GLT6D1: variants seen among roughly 807,000 people sequenced by gnomAD.
GLT6D1 encodes glycosyltransferase 6 domain containing 1.
A neutral mutation model predicts 12.3 loss-of-function variants in GLT6D1; 9 were observed. The observed-to-expected ratio is 0.73, with a 90% CI of 0.44 to 1.27. The LOEUF is 1.27. GLT6D1 is among the 50% of genes most tolerant of loss of function. The probability of loss-of-function intolerance (pLI) is 0.00; values close to 1 mark genes in which losing one functional copy is unlikely to be tolerated. For synonymous variants in GLT6D1, 128 were observed against 132.3 expected, an observed-to-expected ratio of 0.97 and a Z score of 0.23; for missense variants, 335 against 346.2, an observed-to-expected ratio of 0.97 and a Z score of 0.26.
intron 2 of GLT6D1, among the ~76,000 whole-genome samples, chr9:135,633,915 C>A (rs1225199075): frequency 1.3e-5 from 2 of 152,178 alleles, no homozygotes; most frequent in Non-Finnish European, 2.9e-5. Flanking sequence ...ACATGCCAGG[C>A]CCCTGGCTGT....
Position 135,639,499 on chromosome 9 carries a change from G to A in GLT6D1, c.-213C>T, listed in dbSNP as rs776428649. 3 of 196,522 alleles carry A rather than the reference G, an allele frequency of 1.5e-5. No homozygotes were observed. The highest frequency in any genetic ancestry group is 2.3e-5 in the African/African-American group (1 of 43,188). 12.2% of individuals were successfully genotyped at this position (196,522 alleles called of 1,614,324 possible). A position where few individuals can be genotyped will look rare whatever the true frequency, so the allele number is the denominator to read the frequency against. On this transcript the variant is annotated 5_prime_UTR_variant, in exon 1 of 5. Transcript: ENST00000371763. ...TCTCCACTGCAGGGCTGTGCAAATAGAATGAGGTCTTGATGAGGAAGTCTT... is the reference window on the plus strand; with the variant it reads ...TCTCCACTGCAGGGCTGTGCAAATAAAATGAGGTCTTGATGAGGAAGTCTT...
chr9:135,635,924 T>C (rs185729443), intron 2 of GLT6D1, among the ~76,000 whole-genome samples: 36 of 152,322 alleles, frequency 2.4e-4, no homozygotes, highest in African/African-American at 7.9e-4. Context: ...GCCTCATCCA[T>C]TTATTTAATT....
Position 135,623,990 on chromosome 9 carries a change from C to G in GLT6D1, c.*107G>C. On this transcript the variant is annotated 3_prime_UTR_variant, in exon 5 of 5. Transcript: ENST00000371763. ...TGATTCATTTATTCGTCATAAACCT[C>G]ATGGCGTAATTCATAATTTCCTCTG... 1.4e-6 allele frequency: 1 copy of G among 730,628 alleles called. No homozygotes were observed. Among genetic ancestry groups the G allele is most frequent in the Non-Finnish European group, 2.3e-6 (1 of 430,046 alleles). 45.3% of individuals were successfully genotyped at this position (730,628 alleles called of 1,614,324 possible).
At chr9:135,632,688 G>GAC (rs1833677313) in intron 2 of GLT6D1, among the ~76,000 whole-genome samples, 1 of 140,638 alleles carries the variant, frequency 7.1e-6, no homozygotes, top group East Asian at 2.1e-4. Context: ...TTTTTTTCGA[G>GAC]ACAGAGTCTT....
At position 135,626,202 on chromosome 9, in the gene GLT6D1, G is replaced by A. The variant is rs200054032; in HGVS notation, c.124C>T (p.Arg42Cys). 4.5e-5 allele frequency: 72 copies of A among 1,613,262 alleles called. No individual in the cohort carries two copies. The highest frequency in any genetic ancestry group is 5.3e-5 in the African/African-American group (4 of 74,882). The change falls in exon 4 of 5, where the codon CGC becomes TGC. Residue 42 changes from arginine to cysteine, a missense_variant. By Grantham distance (180) the Arg-to-Cys change is radical (BLOSUM62 -3). Coordinates refer to ENST00000371763, the MANE Select transcript of GLT6D1 (RefSeq NM_182974.3). Reference protein sequence around the residue: ...RLSDWFHPRKRPDVITKTDWL... With the variant: ...RLSDWFHPRKCPDVITKTDWL... ...TCTGTTTTCGTTATAACATCAGGGC[G>A]TTTTCTGTGGAACAAGAACCAAGTT...
chr9:135,631,301 C>T (rs548706246), intron 3 of GLT6D1, 130 bp downstream of exon 3: 478 of 755,144 alleles, frequency 6.3e-4, no homozygotes, highest in Middle Eastern at 5.3e-4. Context: ...ATAAGAGCCT[C>T]GAAAATAAAA....
At chr9:135,639,796 G>A (rs1452681023), upstream of GLT6D1, among the ~76,000 whole-genome samples, 5 of 151,648 alleles carry the variant, frequency 3.3e-5, no homozygotes, top group Non-Finnish European at 5.9e-5. Flanking sequence ...ACGCCACTGC[G>A]CTGTGTGTCC....
chr9:135,640,543 A>AC (rs571312616), upstream of GLT6D1, among the ~76,000 whole-genome samples: 128 of 151,722 alleles, frequency 8.4e-4, no homozygotes, highest in African/African-American at 2.9e-3. Flanking sequence ...ACATGGTGAG[A>AC]CCCCCGTCTC....
At chr9:135,628,361 C>A (rs1833564497) in intron 3 of GLT6D1, among the ~76,000 whole-genome samples, 1 of 151,966 alleles carries the variant, frequency 6.6e-6, no homozygotes, top group South Asian at 2.1e-4. Flanking sequence ...ATTCTGTATT[C>A]TATTAATACA....
chr9:135,634,465 G>GTTTTTTTTTTTTTTTTTTTTTT (rs1833723992), intron 2 of GLT6D1, among the ~76,000 whole-genome samples: 2 of 103,246 alleles, frequency 1.9e-5, no homozygotes, highest in African/African-American at 3.8e-5. Flanking sequence ...TTTTTTTTTT[G>GTTTTTTTTTTTTTTTTTTTTTT]GCATGATTTA....
At chr9:135,637,671 A>C (rs758684167) in intron 2 of GLT6D1, among the ~76,000 whole-genome samples, 16 of 152,060 alleles carry the variant, frequency 1.1e-4, no homozygotes, top group Admixed American at 2.6e-4. Context: ...GCGTTCGCTT[A>C]TTTCCCATCT....
At chr9:135,625,129 T>G (rs1392854632) in intron 4 of GLT6D1, among the ~76,000 whole-genome samples, 2 of 152,076 alleles carry the variant, frequency 1.3e-5, no homozygotes, top group East Asian at 1.9e-4. Flanking sequence ...GAACTCGGGA[T>G]GTACAAGCGT....
intron 2 of GLT6D1, among the ~76,000 whole-genome samples, chr9:135,638,113 G>A (rs1024702612): frequency 5.9e-5 from 9 of 152,218 alleles, no homozygotes; most frequent in African/African-American, 2.2e-4. Context: ...AATCATGGCA[G>A]GAGGCAAAAG....
chr9:135,636,109 T>A (rs547649703), intron 2 of GLT6D1, among the ~76,000 whole-genome samples: 40 of 152,218 alleles, frequency 2.6e-4, no homozygotes, highest in African/African-American at 9.1e-4. Flanking sequence ...AATCCCAGAA[T>A]TTTGGGAGGC....
chr9:135,632,986 A>G (rs551926420), intron 2 of GLT6D1, among the ~76,000 whole-genome samples: 2 of 152,086 alleles, frequency 1.3e-5, no homozygotes, highest in South Asian at 2.1e-4. Context: ...CCTTTCTGTA[A>G]TCAACCCCCA....
At position 135,635,182 on chromosome 9, in the gene GLT6D1, C is replaced by T. The variant is rs141604371; in HGVS notation, c.72-3704G>A. On this transcript the variant is annotated intron_variant, in intron 2 of 4. Transcript: ENST00000371763. ...ACATCAGTATGAACTTGTGGAAGTTCGTTTCATACTTTGGGTTATAATTCA... is the reference window on the plus strand; with the variant it reads ...ACATCAGTATGAACTTGTGGAAGTTTGTTTCATACTTTGGGTTATAATTCA... Among the ~76,000 whole-genome samples, 9 of 152,250 alleles carry T rather than the reference C, an allele frequency of 5.9e-5. No individual in the cohort carries two copies. The East Asian group carries it at 1.3e-3, about 23-fold the overall frequency.
chr9:135,624,593 T>G lies in GLT6D1; in HGVS notation c.335A>C (p.Tyr112Ser), dbSNP rs749206975. 6.2e-7 allele frequency: 1 copy of G among 1,613,504 alleles called. No individual in the cohort carries two copies. The highest frequency in any genetic ancestry group is 8.5e-7 in the Non-Finnish European group (1 of 1,179,956). Residue 112 changes from tyrosine (Y) to serine (S), a missense_variant, in exon 5 of 5, where the codon TAC becomes TCC. Coordinates refer to ENST00000371763, the MANE Select transcript of GLT6D1 (RefSeq NM_182974.3). ...HFMTGYRVIF[Y>S]IMVDAFFKLP... The stretch of plus-strand genomic sequence containing the variant: ...CTTGAAGAAGGCGTCCACCATGATG[T>G]AGAAGATCACTCGGTAGCCTGTCAT...
upstream of GLT6D1, among the ~76,000 whole-genome samples, chr9:135,640,653 G>A (rs1320557027): frequency 6.6e-6 from 1 of 151,978 alleles, no homozygotes; most frequent in Non-Finnish European, 1.5e-5. Context: ...CCAAGAGGCG[G>A]AGGTTGCAGT....
chr9:135,628,581 CA>C (rs1833569101), intron 3 of GLT6D1, among the ~76,000 whole-genome samples: 1 of 151,956 alleles, frequency 6.6e-6, no homozygotes, highest in Admixed American at 6.6e-5. Context: ...GTTTTGATAT[CA>C]GGGTAATACT....
Sources: allele counts gnomAD v4.1 joint callset (sites outside exome capture counted in the v4.1 genomes callset), GRCh38; gene constraint gnomAD v4.1.1; transcripts MANE v1.5; gene names NCBI Gene and HGNC (gene_info 2026-07-23, HGNC 2026-07-21).